FBXO4: variants seen among roughly 807,000 people sequenced by gnomAD.
FBXO4 encodes the protein F-box protein 4, also known as F-box only protein 4.
Under a neutral mutation model 43.7 loss-of-function variants are expected in FBXO4, and 36 were observed. The ratio of observed to expected loss-of-function variants is 0.82; its 90% CI spans 0.63 to 1.09. The LOEUF is 1.09. FBXO4 is among the 50% of genes least tolerant of loss of function. FBXO4 has a pLI of 0.00. For missense variants in FBXO4, 435 were observed against 474.1 expected (o/e 0.92, Z 0.77); for synonymous variants, 180 against 165.6 (o/e 1.09, Z -0.67).
At chr5:42,033,082 A>C in the FBXO4 span, among the ~76,000 whole-genome samples, 1 of 152,162 alleles carries the variant, frequency 6.6e-6, no homozygotes, top group Non-Finnish European at 1.5e-5. Context: ...CTGAGCTGGT[A>C]TCCAAAATTC....
the FBXO4 span, among the ~76,000 whole-genome samples, chr5:42,013,440 T>C: frequency 6.6e-6 from 1 of 152,200 alleles, no homozygotes; most frequent in African/African-American, 2.4e-5. Context: ...AATGGTCTTA[T>C]TGGCTAATAT....
At chr5:41,952,977 G>A in the FBXO4 span, among the ~76,000 whole-genome samples, 1 of 150,766 alleles carries the variant, frequency 6.6e-6, no homozygotes, top group African/African-American at 2.4e-5. Context: ...TTTTGTGAAT[G>A]CTTTCATTGA....
the FBXO4 span, among the ~76,000 whole-genome samples, chr5:42,017,411 T>C: frequency 6.6e-6 from 1 of 151,398 alleles, no homozygotes; most frequent in South Asian, 2.1e-4. Flanking sequence ...TTTTATTTTA[T>C]TTTATTTTCA....
the FBXO4 span, among the ~76,000 whole-genome samples, chr5:41,991,993 G>A: frequency 9.2e-5 from 14 of 152,130 alleles, no homozygotes; most frequent in Non-Finnish European, 1.5e-4. Flanking sequence ...CAGGAGAATC[G>A]CTTGAACCCG....
chr5:41,949,176 C>G, the FBXO4 span, among the ~76,000 whole-genome samples: 5 of 152,260 alleles, frequency 3.3e-5, no homozygotes, highest in South Asian at 1.0e-3. Flanking sequence ...CCCTCTCTCA[C>G]CACTCCTATT....
the FBXO4 span, among the ~76,000 whole-genome samples, chr5:42,010,939 C>A: frequency 5.3e-5 from 8 of 151,948 alleles, no homozygotes; most frequent in African/African-American, 1.7e-4. Flanking sequence ...AGGTTTGTTA[C>A]ATAGGTATAT....
chr5:41,974,468 G>A, the FBXO4 span, among the ~76,000 whole-genome samples: 1 of 151,846 alleles, frequency 6.6e-6, no homozygotes, highest in Non-Finnish European at 1.5e-5. Context: ...TTCTCTTTGT[G>A]TTTCAGTCTG....
chr5:41,927,179 CAG>C lies in FBXO4; in HGVS notation c.358_359del (p.Asp120SerfsTer10). 2 of 1,613,782 alleles carry C rather than the reference CAG, an allele frequency of 1.2e-6. No homozygotes were observed. The highest frequency in any genetic ancestry group is 1.7e-6 in the Non-Finnish European group (2 of 1,179,920). On this transcript the variant is annotated frameshift_variant, in exon 2 of 7. Coordinates refer to ENST00000281623, the MANE Select transcript of FBXO4 (RefSeq NM_012176.3). LOFTEE classifies it high-confidence loss of function. ...TCTTCTGTTGACTGGAAGTCTCTTCCAGATCTAGAAATCTTAAAAAAGCCTAT... is the reference window on the plus strand; with the variant it reads ...TCTTCTGTTGACTGGAAGTCTCTTCCATCTAGAAATCTTAAAAAAGCCTAT...
chr5:42,006,914 A>ATATATATATATATATATG, the FBXO4 span, among the ~76,000 whole-genome samples: 8 of 141,496 alleles, frequency 5.7e-5, no homozygotes, highest in African/African-American at 2.1e-4. Flanking sequence ...ATATATATAT[A>ATATATATATATATATATG]TATGTATATA....
At chr5:42,031,893 C>T in the FBXO4 span, among the ~76,000 whole-genome samples, 1 of 151,930 alleles carries the variant, frequency 6.6e-6, no homozygotes. Context: ...CATTAGGAAG[C>T]ATCGTAAGTT....
At chr5:41,949,021 T>C in the FBXO4 span, among the ~76,000 whole-genome samples, 2 of 152,216 alleles carry the variant, frequency 1.3e-5, no homozygotes, top group East Asian at 3.8e-4. Context: ...CAACTCTTCA[T>C]GCTAAAACCT....
At chr5:41,985,984 T>C in the FBXO4 span, among the ~76,000 whole-genome samples, 1 of 152,148 alleles carries the variant, frequency 6.6e-6, no homozygotes, top group East Asian at 1.9e-4. Context: ...AATTTTCTAT[T>C]TAAAATTCCC....
At chr5:41,978,783 T>C in the FBXO4 span, among the ~76,000 whole-genome samples, 1 of 152,240 alleles carries the variant, frequency 6.6e-6, no homozygotes, top group Admixed American at 6.5e-5. Flanking sequence ...CATTTATTTT[T>C]ATTTGATTTA....
downstream of FBXO4, among the ~76,000 whole-genome samples, chr5:41,944,526 T>G (rs1752048788): frequency 6.6e-6 from 1 of 152,208 alleles, no homozygotes; most frequent in African/African-American, 2.4e-5. Flanking sequence ...ACCATCATGA[T>G]GAATTACAAT....
the FBXO4 span, among the ~76,000 whole-genome samples, chr5:42,024,880 C>T: frequency 1.4e-4 from 21 of 151,634 alleles, no homozygotes; most frequent in Non-Finnish European, 2.1e-4. Context: ...ATGACAGGAT[C>T]TCATTCTTTT....
chr5:41,949,334 A>C, the FBXO4 span, among the ~76,000 whole-genome samples: 1 of 152,256 alleles, frequency 6.6e-6, no homozygotes, highest in African/African-American at 2.4e-5. Flanking sequence ...GTCTCAGCCC[A>C]AAATCTCCTT....
At chr5:41,998,671 A>G in the FBXO4 span, among the ~76,000 whole-genome samples, 1 of 152,176 alleles carries the variant, frequency 6.6e-6, no homozygotes, top group Admixed American at 6.6e-5. Flanking sequence ...TACCCTTAAT[A>G]TGAGAGGGGA....
In FBXO4 at chr5:41,941,319, AT is replaced by A; in HGVS notation, c.*41del. 2 of 1,558,310 alleles carry A rather than the reference AT, an allele frequency of 1.3e-6. No homozygotes were observed. The highest frequency in any genetic ancestry group is 1.8e-6 in the Non-Finnish European group (2 of 1,129,942). On this transcript the variant is annotated 3_prime_UTR_variant, in exon 7 of 7. Transcript: ENST00000281623. The stretch of plus-strand genomic sequence containing the variant: ...ATCTTGGGAACTGAAACCATTTGAA[AT>A]TTATTACTAAGGTCGTGATGTGAAT...
chr5:42,001,479 C>T, the FBXO4 span, among the ~76,000 whole-genome samples: 1 of 152,152 alleles, frequency 6.6e-6, no homozygotes, highest in African/African-American at 2.4e-5. Context: ...TGATCCACCC[C>T]TTTCGGCCTC....
Sources: allele counts gnomAD v4.1 joint callset (sites outside exome capture counted in the v4.1 genomes callset), GRCh38; gene constraint gnomAD v4.1.1; transcripts MANE v1.5; gene names NCBI Gene and HGNC (gene_info 2026-07-23, HGNC 2026-07-21).